The following NEBL variants were observed in gnomAD, a reference collection of about 807,000 sequenced individuals.
The protein encoded by NEBL is LIM and SH3 protein 2.
A neutral mutation model predicts 140.2 loss-of-function variants in NEBL; 122 were observed. That is an observed-to-expected ratio of 0.87 (90% CI 0.75 to 1.01). The LOEUF (loss-of-function observed/expected upper bound fraction) is 1.01. NEBL is among the 50% of genes least tolerant of loss of function. The pLI, the probability that NEBL is intolerant of heterozygous loss-of-function variation, is 0.00. For synonymous variants in NEBL, 436 were observed against 398.9 expected (o/e 1.09, Z -1.11); for missense variants, 1,365 against 1,231.3 (o/e 1.11, Z -1.62).
intron 2 of NEBL, among the ~76,000 whole-genome samples, chr10:21,121,563 A>G (rs1454991374): frequency 6.6e-6 from 1 of 152,246 alleles, no homozygotes; most frequent in Non-Finnish European, 1.5e-5. Context: ...ATAATAGTAG[A>G]AATGCATTAT....
In NEBL at chr10:21,030,436, T is replaced by A. The variant is rs573197375; in HGVS notation, c.165-10235A>T. The A allele has an allele frequency of 3.2e-5, 21 of 655,844 alleles. No homozygotes were observed. The Admixed American group carries it at 3.8e-4, about 12-fold the overall frequency. 40.6% of individuals were successfully genotyped at this position (655,844 alleles called of 1,614,324 possible). On this transcript the variant is annotated intron_variant, in intron 2 of 6. Transcript: ENST00000417816. ...AAACACTCAGTAAGGAGGAAGACTG[T>A]CACTCTCCAACTTCTAAATCTACCA...
intron 3 of NEBL, among the ~76,000 whole-genome samples, chr10:20,969,767 A>G: frequency 6.6e-6 from 1 of 151,640 alleles, no homozygotes; most frequent in African/African-American, 2.4e-5. Context: ...CTGGTCTCAA[A>G]CTCCTGACCT....
intron 3 of NEBL, among the ~76,000 whole-genome samples, chr10:20,967,569 A>G (rs547747138): frequency 4.5e-4 from 69 of 152,132 alleles, no homozygotes; most frequent in Admixed American, 2.8e-3. Flanking sequence ...CGGAGGTTGC[A>G]GTGAGCTGAT....
chr10:21,165,629 C>T (rs1840728022), intron 2 of NEBL, among the ~76,000 whole-genome samples: 1 of 152,182 alleles, frequency 6.6e-6, no homozygotes, highest in Admixed American at 6.5e-5. Context: ...CGTGCCCAAT[C>T]TCGTCTACGT....
intron 4 of NEBL, among the ~76,000 whole-genome samples, chr10:20,915,147 A>G (rs573262176): frequency 1.3e-5 from 2 of 152,130 alleles, no homozygotes; most frequent in East Asian, 1.9e-4. Context: ...AGTACAGACC[A>G]AGGATGCAAT....
At chr10:21,069,289 T>C (rs527578962) in intron 2 of NEBL, among the ~76,000 whole-genome samples, 23 of 152,340 alleles carry the variant, frequency 1.5e-4, no homozygotes, top group Non-Finnish European at 2.9e-4. Context: ...TCGTTTTTCA[T>C]AATCTCTCAA....
intron 2 of NEBL, among the ~76,000 whole-genome samples, chr10:21,090,255 C>T (rs1407478438): frequency 1.3e-5 from 2 of 152,236 alleles, no homozygotes; most frequent in East Asian, 3.9e-4. Context: ...AACAAAGATA[C>T]ATGGATATCT....
At chr10:20,861,319 A>G (rs1459649554) in intron 7 of NEBL, among the ~76,000 whole-genome samples, 1 of 152,156 alleles carries the variant, frequency 6.6e-6, no homozygotes, top group African/African-American at 2.4e-5. Flanking sequence ...CTGGGACTAC[A>G]GGTGCTCGCC....
intron 3 of NEBL, among the ~76,000 whole-genome samples, chr10:21,228,487 T>A (rs144276940): frequency 2.3e-4 from 35 of 152,262 alleles, no homozygotes; most frequent in African/African-American, 7.0e-4. Flanking sequence ...TTTTTTTGAA[T>A]TGGCCAGGGA....
At position 20,987,243 on chromosome 10, in the gene NEBL, G is replaced by A. The variant is rs188672365; in HGVS notation, c.250-25464C>T. On this transcript the variant is annotated intron_variant, in intron 3 of 6. Coordinates refer to the NEBL transcript ENST00000417816. The stretch of plus-strand genomic sequence containing the variant: ...ATAGCATTCATTCTAACCAAACCCT[G>A]AGTGGGTATTTCCTAAGGACAATGT... 2.7e-5 allele frequency among the ~76,000 whole-genome samples: 4 copies of A among 150,158 alleles called. No individual in the cohort carries two copies. In the East Asian group the frequency reaches 7.9e-4, roughly 30 times the overall value.
intron 2 of NEBL, among the ~76,000 whole-genome samples, chr10:21,033,415 C>A (rs1047631134): frequency 2.0e-5 from 3 of 152,072 alleles, no homozygotes; most frequent in Non-Finnish European, 2.9e-5. Flanking sequence ...TAAAATAATT[C>A]TATTTTTAAG....
intron 3 of NEBL, among the ~76,000 whole-genome samples, chr10:21,220,919 G>T (rs1035884304): frequency 2.0e-5 from 3 of 152,238 alleles, no homozygotes; most frequent in Admixed American, 2.0e-4. Flanking sequence ...GCTTTGGGAG[G>T]CCGAGGCAGG....
chr10:21,011,631 G>A (rs1838341207), intron 3 of NEBL, among the ~76,000 whole-genome samples: 1 of 151,720 alleles, frequency 6.6e-6, no homozygotes. Flanking sequence ...CAGGCACCCT[G>A]TTGGCATCTG....
At chr10:20,954,742 C>T (rs1190292098) in intron 4 of NEBL, among the ~76,000 whole-genome samples, 2 of 152,210 alleles carry the variant, frequency 1.3e-5, no homozygotes, top group Non-Finnish European at 2.9e-5. Flanking sequence ...CTGCAAACAG[C>T]ACAAACTTCC....
intron 3 of NEBL, among the ~76,000 whole-genome samples, chr10:21,198,106 T>C (rs891232089): frequency 6.6e-6 from 1 of 152,118 alleles, no homozygotes; most frequent in Non-Finnish European, 1.5e-5. Context: ...GTAACGTCTG[T>C]AGCATCATAC....
intron 1 of NEBL, among the ~76,000 whole-genome samples, chr10:21,289,653 T>C (rs940171797): frequency 4.6e-5 from 7 of 152,226 alleles, no homozygotes; most frequent in Non-Finnish European, 1.0e-4. Flanking sequence ...GAAGTAAGCC[T>C]GGTCTTACTC....
intron 26 of NEBL, among the ~76,000 whole-genome samples, chr10:20,806,270 T>C (rs1268346836): frequency 1.3e-5 from 2 of 151,106 alleles, no homozygotes; most frequent in Non-Finnish European, 3.0e-5. Flanking sequence ...CCCTCCGAAT[T>C]CCTGATCTCT....
At chr10:20,794,887 A>G (rs897135563) in intron 26 of NEBL, among the ~76,000 whole-genome samples, 5 of 152,138 alleles carry the variant, frequency 3.3e-5, no homozygotes, top group Non-Finnish European at 5.9e-5. Flanking sequence ...TTAGGATGTC[A>G]CATGCTTTAG....
chr10:21,193,142 C>T (rs1323531205), intron 3 of NEBL, among the ~76,000 whole-genome samples: 1 of 152,002 alleles, frequency 6.6e-6, no homozygotes, highest in Non-Finnish European at 1.5e-5. Context: ...AACCCAATCA[C>T]AGGGATGGGG....
Sources: gnomAD v4.1 joint callset for allele counts (sites outside exome capture counted in the v4.1 genomes callset) on GRCh38, gnomAD v4.1.1 for gene constraint, MANE v1.5 for transcripts, NCBI Gene and HGNC (gene_info 2026-07-23, HGNC 2026-07-21) for gene names.